The following NEIL2 variants were observed in gnomAD, a reference collection of about 807,000 sequenced individuals.
The protein encoded by NEIL2 is endonuclease 8-like 2.
NEIL2 carries 23 observed loss-of-function variants against 22.2 expected under a neutral mutation model. The observed-to-expected ratio is 1.04, with a 90% CI of 0.75 to 1.47. The LOEUF is 1.47. NEIL2 is among the 40% of genes most tolerant of loss of function. NEIL2 has a pLI of 0.00. For missense variants in NEIL2, 583 were observed against 404.7 expected (o/e 1.44, Z -3.78); for synonymous variants, 229 against 164.8 (o/e 1.39, Z -2.99).
intron 4 of NEIL2, among the ~76,000 whole-genome samples, chr8:11,785,059 A>G (rs1418325454): frequency 6.6e-6 from 1 of 152,150 alleles, no homozygotes; most frequent in Non-Finnish European, 1.5e-5. Flanking sequence ...TGTAGAGACA[A>G]GAAGCTCTCA....
At chr8:11,784,951 C>G (rs755163396) in intron 4 of NEIL2, among the ~76,000 whole-genome samples, 81 of 152,278 alleles carry the variant, frequency 5.3e-4, no homozygotes, top group Non-Finnish European at 1.0e-3. Flanking sequence ...CCACTGCAGC[C>G]TCAACCTCTG....
chr8:11,780,498 A>G (rs1431202162), intron 3 of NEIL2, among the ~76,000 whole-genome samples: 1 of 152,110 alleles, frequency 6.6e-6, no homozygotes, highest in Non-Finnish European at 1.5e-5. Flanking sequence ...CTCCTGCCTT[A>G]GCCTCGGAGG....
intron 1 of NEIL2, 27 bp from the exon 2 acceptor site, chr8:11,771,419 G>T: frequency 6.2e-7 from 1 of 1,612,742 alleles, no homozygotes; most frequent in Middle Eastern, 2.0e-4. Flanking sequence ...TAAGTCGGTG[G>T]CCTCTTTTGC....
chr8:11,782,396 G>A (rs548998281), intron 3 of NEIL2, among the ~76,000 whole-genome samples: 4 of 152,104 alleles, frequency 2.6e-5, no homozygotes, highest in East Asian at 1.9e-4. Flanking sequence ...CTGCACTCCC[G>A]CTTGGGTGAC....
At chr8:11,784,819 A>G in intron 4 of NEIL2, among the ~76,000 whole-genome samples, 1 of 150,970 alleles carries the variant, frequency 6.6e-6, no homozygotes, top group South Asian at 2.1e-4. Flanking sequence ...AAATAATAAG[A>G]TAACAGCTCC....
At chr8:11,773,530 C>T (rs1454788070) in intron 2 of NEIL2, among the ~76,000 whole-genome samples, 1 of 152,038 alleles carries the variant, frequency 6.6e-6, no homozygotes, top group Non-Finnish European at 1.5e-5. Flanking sequence ...CAGGTAATGA[C>T]CCTGACAGGA....
At chr8:11,782,068 T>C (rs1804468000) in intron 3 of NEIL2, among the ~76,000 whole-genome samples, 1 of 151,820 alleles carries the variant, frequency 6.6e-6, no homozygotes, top group Non-Finnish European at 1.5e-5. Context: ...TATTTCCAAA[T>C]AAATAAATAA....
intron 2 of NEIL2, among the ~76,000 whole-genome samples, chr8:11,776,610 T>C (rs552681636): frequency 6.6e-6 from 1 of 152,276 alleles, no homozygotes; most frequent in South Asian, 2.1e-4. Context: ...TTTAGTGTCT[T>C]CTGTAGTGTT....
intron 3 of NEIL2, among the ~76,000 whole-genome samples, chr8:11,782,339 C>T (rs1327381827): frequency 6.6e-6 from 1 of 152,038 alleles, no homozygotes; most frequent in Non-Finnish European, 1.5e-5. Context: ...GCAGGAGAAT[C>T]GCTTGAACCT....
intron 2 of NEIL2, among the ~76,000 whole-genome samples, chr8:11,775,027 C>T (rs921321237): frequency 8.5e-5 from 13 of 152,338 alleles, no homozygotes; most frequent in Non-Finnish European, 1.6e-4. Context: ...GTAGATCTAC[C>T]ATTCTGGGGT....
rs1563258476 is a variant in NEIL2 at position 11,779,587 on chromosome 8, A to G, written c.139-11A>G. The G allele has an allele frequency of 3.7e-6, 6 of 1,600,758 alleles. No individual in the cohort carries two copies. The highest frequency in any genetic ancestry group is 2.2e-5 in the East Asian group (1 of 44,820). On this transcript the variant is annotated splice_polypyrimidine_tract_variant and intron_variant, in intron 2 of 4. Coordinates refer to ENST00000284503, the MANE Select transcript of NEIL2 (RefSeq NM_145043.4). ...GTCTGTAAGGCTTGGATCTCTGTTC[A>G]TTTTTTCTAGGTCCATGGAAAGAAA... is the stretch of plus-strand genomic sequence containing the variant.
intron 2 of NEIL2, among the ~76,000 whole-genome samples, chr8:11,777,045 G>T (rs984870959): frequency 6.6e-6 from 1 of 152,228 alleles, no homozygotes; most frequent in East Asian, 1.9e-4. Flanking sequence ...GGCACACCCT[G>T]TCTCCTCTGC....
rs761380693 is a variant in NEIL2, at chr8:11,783,190, T to C, written c.492-13T>C. On this transcript the variant is annotated splice_polypyrimidine_tract_variant and intron_variant, in intron 3 of 4. Transcript: ENST00000284503. Reference sequence around the variant, plus strand: ...GTAACGATGTGTACATATGACCTGTTCTTTCTTCCCAGGTTGGTCCTGCAC... The same window carrying C: ...GTAACGATGTGTACATATGACCTGTCCTTTCTTCCCAGGTTGGTCCTGCAC... The C allele has an allele frequency of 1.9e-6, 3 of 1,613,172 alleles. No individual in the cohort carries two copies. In the South Asian group the frequency reaches 3.3e-5, roughly 18 times the overall value.
chr8:11,775,145 G>T (rs796563609), intron 2 of NEIL2, among the ~76,000 whole-genome samples: 2 of 152,258 alleles, frequency 1.3e-5, no homozygotes, highest in African/African-American at 4.8e-5. Flanking sequence ...CCCTAGCAGA[G>T]GTTCTCAATG....
chr8:11,778,619 C>G (rs1245379099), intron 2 of NEIL2, among the ~76,000 whole-genome samples: 1 of 151,384 alleles, frequency 6.6e-6, no homozygotes, highest in Non-Finnish European at 1.5e-5. Flanking sequence ...GAATCTAGGC[C>G]TACATATTGC....
chr8:11,785,717 T>C (rs574007321), intron 4 of NEIL2, among the ~76,000 whole-genome samples: 110 of 152,268 alleles, frequency 7.2e-4, no homozygotes, highest in African/African-American at 2.6e-3. Flanking sequence ...AGATGCCCGA[T>C]CCGTTTTTGA....
chr8:11,775,181 C>T (rs1401438356), intron 2 of NEIL2, among the ~76,000 whole-genome samples: 2 of 152,272 alleles, frequency 1.3e-5, no homozygotes, highest in Non-Finnish European at 2.9e-5. Flanking sequence ...CAGCACACCT[C>T]TGCCTGGACA....
intron 2 of NEIL2, among the ~76,000 whole-genome samples, chr8:11,776,670 C>G (rs1206428431): frequency 2.0e-5 from 3 of 152,158 alleles, no homozygotes; most frequent in African/African-American, 7.2e-5. Flanking sequence ...TGTATGAGGA[C>G]CAATCCTTCC....
At position 11,786,256 on chromosome 8, in the gene NEIL2, C is replaced by A; in HGVS notation, c.982C>A (p.Gln328Lys). ...GCCCCAGTTGTCAGAGGAGCCAGAG[C>A]AGTGCCAGTTCTCCTAAGGAGCTGG... ...CQPQLSEEPE[Q>K]CQFS The change falls in exon 5 of 5, where the codon CAG becomes AAG. Residue 328 changes from glutamine (Q) to lysine (K), a missense_variant. Physicochemically the swap from Gln to Lys is moderately conservative, Grantham distance 53. Transcript: ENST00000284503. 6.2e-7 allele frequency: 1 copy of A among 1,612,356 alleles called. No homozygotes were observed. The highest frequency in any genetic ancestry group is 1.1e-5 in the South Asian group (1 of 90,988).
Sources: allele counts gnomAD v4.1 joint callset (sites outside exome capture counted in the v4.1 genomes callset), GRCh38; gene constraint gnomAD v4.1.1; transcripts MANE v1.5; gene names NCBI Gene and HGNC (gene_info 2026-07-23, HGNC 2026-07-21).